The following CNBD1 variants were observed in gnomAD, a reference collection of about 807,000 sequenced individuals.
The protein encoded by CNBD1 is cyclic nucleotide-binding domain-containing protein 1.
In CNBD1, 71 loss-of-function variants were observed where a neutral mutation model predicts 54.4. The ratio of observed to expected loss-of-function variants is 1.30; its 90% CI spans 1.08 to 1.59. CNBD1 has a LOEUF of 1.59. Ranked by LOEUF, CNBD1 falls within the 40% of genes most tolerant of loss-of-function variation. The pLI, the probability that CNBD1 is intolerant of heterozygous loss-of-function variation, is 0.00. For missense variants in CNBD1, 659 were observed against 518.0 expected, an observed-to-expected ratio of 1.27 and a Z score of -2.64; for synonymous variants, 182 against 170.7, an observed-to-expected ratio of 1.07 and a Z score of -0.51.
chr8:86,914,076 T>A (rs1327694953), intron 3 of CNBD1, among the ~76,000 whole-genome samples: 5 of 152,186 alleles, frequency 3.3e-5, no homozygotes. Flanking sequence ...TGAAAATCGC[T>A]GTTATCCTGT....
chr8:86,982,318 G>A (rs897682773), intron 4 of CNBD1, among the ~76,000 whole-genome samples: 1 of 152,086 alleles, frequency 6.6e-6, no homozygotes, highest in African/African-American at 2.4e-5. Context: ...TTTTCTATCA[G>A]TTTGTGGCTT....
rs575390637 is a variant in CNBD1 at position 87,214,054 on chromosome 8, C to A, written c.577+7916C>A. Among the ~76,000 whole-genome samples the A allele has an allele frequency of 3.3e-5, 5 of 152,326 alleles. No individual in the cohort carries two copies. In the South Asian group the frequency reaches 8.3e-4, roughly 25 times the overall value. ...CTCTATGTCTCACATCCAGGTCACA[C>A]TGATACAAGAGGTGGGTTCCCATAT... is the stretch of plus-strand genomic sequence containing the variant. On this transcript the variant is annotated intron_variant, in intron 5 of 10. Transcript: ENST00000518476.
At chr8:86,880,490 A>C (rs35521762) in intron 1 of CNBD1, among the ~76,000 whole-genome samples, 11,763 of 152,186 alleles carry the variant, frequency 0.077, 481 homozygotes, top group African/African-American at 0.098. Context: ...AGGTTATCTG[A>C]AAATATTATG....
chr8:86,948,566 A>G (rs1249394239), intron 4 of CNBD1, among the ~76,000 whole-genome samples: 1 of 152,142 alleles, frequency 6.6e-6, no homozygotes, highest in Non-Finnish European at 1.5e-5. Flanking sequence ...TTTTTTTGAG[A>G]AACACCTATT....
chr8:87,270,749 G>T (rs1467713115), intron 6 of CNBD1, among the ~76,000 whole-genome samples: 1 of 151,422 alleles, frequency 6.6e-6, no homozygotes, highest in African/African-American at 2.4e-5. Context: ...TTGCTGTGTG[G>T]GTAATGCTGA....
At chr8:87,042,089 G>A (rs1810084502) in intron 4 of CNBD1, among the ~76,000 whole-genome samples, 1 of 152,208 alleles carries the variant, frequency 6.6e-6, no homozygotes, top group Non-Finnish European at 1.5e-5. Context: ...CTATGCAAAA[G>A]AGAGTTAAAG....
chr8:86,975,498 G>A (rs1212244609), intron 4 of CNBD1, among the ~76,000 whole-genome samples: 1 of 151,882 alleles, frequency 6.6e-6, no homozygotes, highest in East Asian at 1.9e-4. Flanking sequence ...TTTTGTGCCT[G>A]GTTTATTTCA....
intron 4 of CNBD1, among the ~76,000 whole-genome samples, chr8:87,128,915 C>A (rs1254032971): frequency 3.0e-4 from 42 of 140,330 alleles, no homozygotes; most frequent in African/African-American, 1.0e-3. Context: ...AACCCCGTCT[C>A]CACTTAAAAA....
At chr8:87,051,939 G>A (rs1810319461) in intron 4 of CNBD1, among the ~76,000 whole-genome samples, 1 of 152,184 alleles carries the variant, frequency 6.6e-6, no homozygotes, top group Admixed American at 6.5e-5. Flanking sequence ...CTGTGAGACT[G>A]GCCTTGGACT....
At chr8:87,076,479 GT>G (rs1324290540) in intron 4 of CNBD1, among the ~76,000 whole-genome samples, 3 of 151,488 alleles carry the variant, frequency 2.0e-5, no homozygotes, top group Admixed American at 6.6e-5. Flanking sequence ...GTCTCACACT[GT>G]TGCCCAGGCT....
chr8:87,351,722 T>G lies in CNBD1; in HGVS notation c.1080T>G (p.Gly360=). Residue 360 remains glycine (G), a synonymous_variant, in exon 9 of 11, where the codon GGT becomes GGG. Transcript: ENST00000518476. ...VESGNIISFV[G]YINSGCCNIY... is the part of the protein sequence containing the mutation. ...GTGGAAATATAATTTCTTTTGTGGG[T>G]TATATTAACTCTGGATGCTGTAACA... The G allele has an allele frequency of 6.5e-7, 1 of 1,534,548 alleles. No homozygotes were observed. The highest frequency in any genetic ancestry group is 8.7e-7 in the Non-Finnish European group (1 of 1,145,290).
At position 87,163,911 on chromosome 8, in the gene CNBD1, G is replaced by A. The variant is rs1812909191; in HGVS notation, c.432-42082G>A. Among the ~76,000 whole-genome samples, 1 of 151,884 alleles carries A rather than the reference G, an allele frequency of 6.6e-6. No homozygotes were observed. Among genetic ancestry groups the A allele is most frequent in the Non-Finnish European group, 1.5e-5 (1 of 67,866 alleles). On this transcript the variant is annotated intron_variant, in intron 4 of 10. Transcript: ENST00000518476. The surrounding 1 kb of genome is among the most constrained non-coding windows in gnomAD (Gnocchi z 4.5). Reference sequence around the variant, plus strand: ...AAAGTTTTCCACATTTTACTGCTGAGTCTAAAGTTAGAGGTGGTCCTGTGA... The same window carrying A: ...AAAGTTTTCCACATTTTACTGCTGAATCTAAAGTTAGAGGTGGTCCTGTGA...
At position 87,141,666 on chromosome 8, in the gene CNBD1, A is replaced by G. The variant is rs1022672429; in HGVS notation, c.432-64327A>G. On this transcript the variant is annotated intron_variant, in intron 4 of 10. Coordinates refer to ENST00000518476, the MANE Select transcript of CNBD1 (RefSeq NM_173538.3). ...CAATAACTCCAAAGGGTGAAGATAT[A>G]AAAGATTTGTAATAATATTAAGCAA... Among the ~76,000 whole-genome samples the G allele has an allele frequency of 9.2e-5, 14 of 152,226 alleles. No homozygotes were observed. The South Asian group carries it at 2.9e-3, about 32-fold the overall frequency.
intron 10 of CNBD1, among the ~76,000 whole-genome samples, chr8:87,377,103 T>G (rs535297881): frequency 2.7e-5 from 4 of 149,378 alleles, no homozygotes; most frequent in African/African-American, 9.7e-5. Flanking sequence ...ATTTTTATTT[T>G]TCGCAGATAA....
At chr8:87,377,085 T>C (rs1053904429) in intron 10 of CNBD1, among the ~76,000 whole-genome samples, 1 of 148,178 alleles carries the variant, frequency 6.7e-6, no homozygotes, top group Admixed American at 6.7e-5. Flanking sequence ...TATTTTATTT[T>C]ATTTCTTATT....
intron 10 of CNBD1, among the ~76,000 whole-genome samples, chr8:87,378,005 T>C: frequency 7.5e-6 from 1 of 133,678 alleles, no homozygotes; most frequent in African/African-American, 2.9e-5. Flanking sequence ...GGGTTGTTTG[T>C]TTTTTTCTTG....
intron 8 of CNBD1, among the ~76,000 whole-genome samples, chr8:87,333,214 A>G (rs892129675): frequency 1.3e-5 from 2 of 152,246 alleles, no homozygotes; most frequent in East Asian, 1.9e-4. Flanking sequence ...ATTTTTGCAC[A>G]TTGATTTTGT....
chr8:87,286,050 G>C (rs1808693133), intron 7 of CNBD1, among the ~76,000 whole-genome samples: 1 of 152,126 alleles, frequency 6.6e-6, no homozygotes, highest in Non-Finnish European at 1.5e-5. Flanking sequence ...GGTCTCCAGT[G>C]GTGGGGAATT....
rs183018891 is a variant in CNBD1 at position 87,372,989 on chromosome 8, T to G, written c.1304-9631T>G. Among the ~76,000 whole-genome samples, 592 of 151,958 alleles carry G rather than the reference T, an allele frequency of 3.9e-3. 8 individuals carry two copies. Among genetic ancestry groups the G allele is most frequent in the African/African-American group, 0.013 (558 of 41,542 alleles). ...TGTCTACCTTACACTTCTGTTACTT[T>G]AAGTAGTTTTAATTACATACTTATA... On this transcript the variant is annotated intron_variant, in intron 10 of 10. Transcript: ENST00000518476.
Sources: allele counts gnomAD v4.1 joint callset (sites outside exome capture counted in the v4.1 genomes callset), GRCh38; gene constraint gnomAD v4.1.1; non-coding constraint Gnocchi (gnomAD v3.1); transcripts MANE v1.5; gene names NCBI Gene and HGNC (gene_info 2026-07-23, HGNC 2026-07-21).